The following KIAA1958 variants were observed in gnomAD, a reference collection of about 807,000 sequenced individuals.
The protein encoded by KIAA1958 is uncharacterized protein KIAA1958.
KIAA1958 carries 14 observed loss-of-function variants against 47.2 expected under a neutral mutation model. The observed-to-expected ratio is 0.30, with a 90% CI of 0.20 to 0.46. The LOEUF is 0.46. Ranked by LOEUF, KIAA1958 falls within the 20% of genes least tolerant of loss-of-function variation. KIAA1958 has a pLI of 1.00. For synonymous variants in KIAA1958, 354 were observed against 353.3 expected, an observed-to-expected ratio of 1.00 and a Z score of -0.02; for missense variants, 803 against 909.2, an observed-to-expected ratio of 0.88 and a Z score of 1.50.
At chr9:112,615,500 G>C (rs1366384010) in intron 2 of KIAA1958, among the ~76,000 whole-genome samples, 1 of 151,438 alleles carries the variant, frequency 6.6e-6, no homozygotes, top group Non-Finnish European at 1.5e-5. Context: ...AATACCTTGT[G>C]AATAAAAAGC....
intron 2 of KIAA1958, among the ~76,000 whole-genome samples, chr9:112,629,594 T>G (rs1033205082): frequency 5.9e-5 from 9 of 152,242 alleles, no homozygotes; most frequent in Non-Finnish European, 1.3e-4. Context: ...TTTATTTTGC[T>G]GCTCACTGAT....
intron 1 of KIAA1958, among the ~76,000 whole-genome samples, chr9:112,497,458 C>T (rs575937108): frequency 1.3e-5 from 2 of 152,224 alleles, no homozygotes; most frequent in East Asian, 1.9e-4. Flanking sequence ...AGAGAGGCTT[C>T]GAAAGAAACC....
chr9:112,516,574 G>A (rs1834438710), intron 1 of KIAA1958, among the ~76,000 whole-genome samples: 1 of 152,146 alleles, frequency 6.6e-6, no homozygotes, highest in African/African-American at 2.4e-5. Flanking sequence ...TAATATTTCA[G>A]CAAAGTTTTT....
At chr9:112,500,377 A>G (rs931610220) in intron 1 of KIAA1958, among the ~76,000 whole-genome samples, 6 of 152,186 alleles carry the variant, frequency 3.9e-5, no homozygotes, top group African/African-American at 1.4e-4. Flanking sequence ...CTGGGATTAC[A>G]GGCAAAACAC....
chr9:112,519,993 G>C lies in KIAA1958; in HGVS notation c.-25+32875G>C, dbSNP rs3860166. Among the ~76,000 whole-genome samples, 10 of 152,186 alleles carry C rather than the reference G, an allele frequency of 6.6e-5. No homozygotes were observed. The South Asian group carries it at 1.7e-3, about 25-fold the overall frequency. ...ACTAGTATAATAAAAGAGGGGCTTC[G>C]GTCCCCTTGGTGATATGTCATCTTA... On this transcript the variant is annotated intron_variant, in intron 1 of 3. Coordinates refer to ENST00000337530, the MANE Select transcript of KIAA1958 (RefSeq NM_133465.4).
intron 1 of KIAA1958, among the ~76,000 whole-genome samples, chr9:112,516,383 A>T (rs1355828211): frequency 1.3e-5 from 2 of 152,214 alleles, no homozygotes; most frequent in Admixed American, 6.5e-5. Context: ...TTAACTATTT[A>T]GCGATAAAGC....
At chr9:112,594,915 A>T (rs1421887473) in intron 2 of KIAA1958, among the ~76,000 whole-genome samples, 2 of 152,194 alleles carry the variant, frequency 1.3e-5, no homozygotes, top group African/African-American at 4.8e-5. Context: ...TTTTGATTAT[A>T]GGCATCTTAG....
At chr9:112,518,507 A>G (rs532841709) in intron 1 of KIAA1958, among the ~76,000 whole-genome samples, 1 of 152,358 alleles carries the variant, frequency 6.6e-6, no homozygotes, top group South Asian at 2.1e-4. Context: ...ATTCTAGAAA[A>G]TGCAAACTAA....
chr9:112,660,634 G>C lies in KIAA1958; in HGVS notation c.*565G>C. The C allele has an allele frequency of 1.3e-5, 2 of 155,056 alleles. No individual in the cohort carries two copies. The highest frequency in any genetic ancestry group is 2.9e-5 in the Non-Finnish European group (2 of 69,850). The allele number at this position is 155,056 out of a possible 1,614,324, so 9.6% of individuals were successfully genotyped here. A position where few individuals can be genotyped will look rare whatever the true frequency, so the allele number is the denominator to read the frequency against. On this transcript the variant is annotated 3_prime_UTR_variant, in exon 4 of 4. Transcript: ENST00000337530. ...GCCTTGTGTCGGGGAGTATCCTCAA[G>C]CGACACTTGGTCATCTGACAAGGAC...
At chr9:112,609,959 G>A (rs770833176) in intron 2 of KIAA1958, among the ~76,000 whole-genome samples, 2 of 152,182 alleles carry the variant, frequency 1.3e-5, no homozygotes, top group African/African-American at 2.4e-5. Flanking sequence ...ACCTTCTGCT[G>A]TGTTGGAACA....
intron 2 of KIAA1958, among the ~76,000 whole-genome samples, chr9:112,642,748 T>C (rs923399178): frequency 6.6e-5 from 10 of 152,240 alleles, no homozygotes; most frequent in African/African-American, 2.4e-4. Flanking sequence ...CAATATAGTC[T>C]TTTAAAAATA....
chr9:112,617,751 C>G (rs192852610), intron 2 of KIAA1958: 12 of 783,490 alleles, frequency 1.5e-5, no homozygotes, highest in South Asian at 3.9e-5. Flanking sequence ...CAGTGATCTC[C>G]GTAAAACTGA....
intron 2 of KIAA1958, among the ~76,000 whole-genome samples, chr9:112,604,822 G>A (rs148644188): frequency 3.7e-4 from 56 of 151,118 alleles, no homozygotes; most frequent in African/African-American, 1.4e-3. Flanking sequence ...AACATATGCT[G>A]AGTACTCTGG....
chr9:112,574,278 T>C lies in KIAA1958; in HGVS notation c.198T>C (p.Ala66=). 1 of 1,614,154 alleles carries C rather than the reference T, an allele frequency of 6.2e-7. No homozygotes were observed. The highest frequency in any genetic ancestry group is 2.2e-5 in the East Asian group (1 of 44,878). Residue 66 remains alanine (A), a synonymous_variant, in exon 2 of 4, where the codon GCT becomes GCC. Transcript: ENST00000337530. ...GGCCACTAACAGCTACTTGCAGAGCTGGGTCCCAAGAGAGGGTCTGTTTCC... is the reference window on the plus strand; with the variant it reads ...GGCCACTAACAGCTACTTGCAGAGCCGGGTCCCAAGAGAGGGTCTGTTTCC... The part of the protein sequence containing the change: ...YHWPLTATCR[A]GSQERVCFQD...
intron 2 of KIAA1958, among the ~76,000 whole-genome samples, chr9:112,616,723 A>C (rs1211925913): frequency 6.6e-6 from 1 of 152,178 alleles, no homozygotes; most frequent in Non-Finnish European, 1.5e-5. Context: ...AATAGTGGTG[A>C]TTTTTGACAA....
chr9:112,498,555 G>A (rs1834082298), intron 1 of KIAA1958, among the ~76,000 whole-genome samples: 1 of 151,942 alleles, frequency 6.6e-6, no homozygotes, highest in South Asian at 2.1e-4. Context: ...TTCTTTTAAA[G>A]TTTTTTTATG....
At chr9:112,611,607 T>C (rs1324507756) in intron 2 of KIAA1958, among the ~76,000 whole-genome samples, 1 of 151,978 alleles carries the variant, frequency 6.6e-6, no homozygotes, top group Non-Finnish European at 1.5e-5. Context: ...ATGAACAATA[T>C]GGCAATAATC....
chr9:112,609,134 A>G (rs539600029), intron 2 of KIAA1958, among the ~76,000 whole-genome samples: 3 of 152,324 alleles, frequency 2.0e-5, no homozygotes, highest in East Asian at 3.9e-4. Flanking sequence ...AGAGCTTGAC[A>G]TATATTCACA....
chr9:112,543,785 C>A (rs1834984230), intron 1 of KIAA1958, among the ~76,000 whole-genome samples: 1 of 151,980 alleles, frequency 6.6e-6, no homozygotes, highest in African/African-American at 2.4e-5. Context: ...GTTGGTCAGG[C>A]TGGTCTCGAA....
Sources: allele counts gnomAD v4.1 joint callset (sites outside exome capture counted in the v4.1 genomes callset), GRCh38; gene constraint gnomAD v4.1.1; transcripts MANE v1.5; gene names NCBI Gene and HGNC (gene_info 2026-07-23, HGNC 2026-07-21).